HEPHL1: variants seen among roughly 807,000 people sequenced by gnomAD.
The protein encoded by HEPHL1 is hephaestin like 1.
HEPHL1 carries 123 observed loss-of-function variants against 122.0 expected under a neutral mutation model. The ratio of observed to expected loss-of-function variants is 1.01; its 90% CI spans 0.87 to 1.17. The LOEUF is 1.17. Among genes scored for constraint, HEPHL1 ranks in the 50% most tolerant of loss-of-function variants. The probability of loss-of-function intolerance (pLI) is 0.00; values close to 1 mark genes in which losing one functional copy is unlikely to be tolerated. For missense variants in HEPHL1, 1,452 were observed against 1,430.5 expected, an observed-to-expected ratio of 1.01 and a Z score of -0.24; for synonymous variants, 527 against 508.9, an observed-to-expected ratio of 1.04 and a Z score of -0.48.
chr11:94,057,276 T>C (rs997074036), intron 2 of HEPHL1, among the ~76,000 whole-genome samples: 2 of 152,188 alleles, frequency 1.3e-5, no homozygotes, highest in African/African-American at 4.8e-5. Context: ...ATTAGGCTTC[T>C]TTGATGTGTA....
intron 17 of HEPHL1, 138 bp downstream of exon 17, chr11:94,106,268 C>T (rs1946407738): frequency 3.5e-6 from 2 of 565,906 alleles, no homozygotes; most frequent in East Asian, 3.1e-5. Flanking sequence ...GTGATTGTAC[C>T]GTTTCCCTGG....
At chr11:94,093,294 G>C (rs1436228471) in intron 12 of HEPHL1, among the ~76,000 whole-genome samples, 1 of 152,056 alleles carries the variant, frequency 6.6e-6, no homozygotes, top group Middle Eastern at 3.2e-3. Flanking sequence ...GTGCTGGGCT[G>C]CCCATATCAG....
At chr11:94,084,549 C>T (rs2134440833) in intron 10 of HEPHL1, among the ~76,000 whole-genome samples, 1 of 152,032 alleles carries the variant, frequency 6.6e-6, no homozygotes, top group East Asian at 1.9e-4. Context: ...GTGCACAATG[C>T]TTTGTGTTGT....
At chr11:94,089,833 G>T (rs1946251052) in intron 12 of HEPHL1, among the ~76,000 whole-genome samples, 1 of 152,064 alleles carries the variant, frequency 6.6e-6, no homozygotes, top group African/African-American at 2.4e-5. Context: ...ACTGAACATA[G>T]ATCTTTTGAA....
At chr11:94,075,521 T>C in intron 9 of HEPHL1, 136 bp downstream of exon 9, 2 of 640,768 alleles carry the variant, frequency 3.1e-6, no homozygotes, top group Non-Finnish European at 5.4e-6. Context: ...TTCTACATAA[T>C]GGAGATTTTA....
Position 94,112,267 on chromosome 11 carries a change from A to C in HEPHL1, c.*373A>C, listed in dbSNP as rs1946456605. The C allele has an allele frequency of 6.3e-6, 1 of 159,722 alleles. No individual in the cohort carries two copies. Among genetic ancestry groups the C allele is most frequent in the Non-Finnish European group, 1.4e-5 (1 of 73,322 alleles). 9.9% of individuals were successfully genotyped at this position (159,722 alleles called of 1,614,324 possible). ...TAACCACCAAAGTTTCTAGGTGAACAGCTTCTAGAAAAAGTTAGAGTGCCT... is the reference window on the plus strand; with the variant it reads ...TAACCACCAAAGTTTCTAGGTGAACCGCTTCTAGAAAAAGTTAGAGTGCCT... On this transcript the variant is annotated 3_prime_UTR_variant, in exon 20 of 20. Transcript: ENST00000315765.
At chr11:94,054,949 A>G (rs1436539277) in intron 2 of HEPHL1, 1 of 152,432 alleles carries the variant, frequency 6.6e-6, no homozygotes, top group Non-Finnish European at 1.5e-5. Context: ...CTCAGGTAGG[A>G]GCAGAAGGAA....
At chr11:94,089,637 C>T (rs1220695989) in intron 12 of HEPHL1, among the ~76,000 whole-genome samples, 1 of 152,140 alleles carries the variant, frequency 6.6e-6, no homozygotes, top group Non-Finnish European at 1.5e-5. Flanking sequence ...GAACCAAGAT[C>T]CCTAGGGTGC....
intron 1 of HEPHL1, among the ~76,000 whole-genome samples, chr11:94,024,523 G>A (rs1057502036): frequency 5.3e-5 from 8 of 152,176 alleles, no homozygotes; most frequent in Non-Finnish European, 1.2e-4. Context: ...GAAGACCTGG[G>A]ACTGATCGTG....
chr11:94,021,537 A>C lies in HEPHL1; in HGVS notation c.169A>C (p.Lys57Gln). ...VITGKSFTED[K>Q]LATLFLERGP... is the part of the protein sequence containing the mutation. ...TACTGGGAAAAGTTTCACAGAAGACAAGTGAGTGAACTTAGGGTCCTCATT... is the reference window on the plus strand; with the variant it reads ...TACTGGGAAAAGTTTCACAGAAGACCAGTGAGTGAACTTAGGGTCCTCATT... The change falls in exon 1 of 20, where the codon AAA (lysine) becomes CAA (glutamine). Residue 57 changes from lysine to glutamine, a missense_variant and splice_region_variant. Physicochemically the swap from Lys to Gln is moderately conservative, Grantham distance 53 (BLOSUM62 1). Coordinates refer to ENST00000315765, the MANE Select transcript of HEPHL1 (RefSeq NM_001098672.2). The C allele has an allele frequency of 6.2e-7, 1 of 1,603,108 alleles. No individual in the cohort carries two copies. Among genetic ancestry groups the C allele is most frequent in the Admixed American group, 1.7e-5 (1 of 59,136 alleles).
intron 9 of HEPHL1, among the ~76,000 whole-genome samples, 177 bp downstream of exon 9, chr11:94,075,562 A>C (rs533101084): frequency 8.5e-5 from 13 of 152,298 alleles, no homozygotes; most frequent in Middle Eastern, 3.4e-3. Context: ...GTAAGATCTA[A>C]ATTTATAGTT....
At position 94,113,676 on chromosome 11, in the gene HEPHL1, T is replaced by C. The variant is rs1003861393; in HGVS notation, c.*1782T>C. On this transcript the variant is annotated 3_prime_UTR_variant, in exon 20 of 20. Transcript: ENST00000315765. ...GTTGTTTTTTTTTCTTTTCAGTTTA[T>C]TTTTTTAATGAAAACAAAACCACAA... 2.6e-5 allele frequency: 4 copies of C among 152,150 alleles called. No homozygotes were observed. Among genetic ancestry groups the C allele is most frequent in the African/African-American group, 9.7e-5 (4 of 41,424 alleles). 9.4% of individuals were successfully genotyped at this position (152,150 alleles called of 1,614,324 possible).
At chr11:94,067,880 A>C in intron 5 of HEPHL1, 130 bp downstream of exon 5, 1 of 718,410 alleles carries the variant, frequency 1.4e-6, no homozygotes, top group South Asian at 2.0e-5. Context: ...GGTAATAAAT[A>C]TACAGGAAAA....
chr11:94,070,348 G>A (rs1946063706), intron 5 of HEPHL1, 26 bp from the exon 6 acceptor site: 1 of 1,562,942 alleles, frequency 6.4e-7, no homozygotes, highest in Non-Finnish European at 8.7e-7. Context: ...TTATGCCTCA[G>A]CTCGTGGTTT....
chr11:94,073,299 T>G lies in HEPHL1; in HGVS notation c.1373-9T>G, dbSNP rs778701610. The stretch of plus-strand genomic sequence containing the variant: ...TCTCTTCTCTCTCTTCTTCTGGATA[T>G]TTTTTCAGGCCCAGTCATCAAGGCA... On this transcript the variant is annotated splice_polypyrimidine_tract_variant and intron_variant, in intron 7 of 19. Coordinates refer to ENST00000315765, the MANE Select transcript of HEPHL1 (RefSeq NM_001098672.2). 5 of 1,609,768 alleles carry G rather than the reference T, an allele frequency of 3.1e-6. No individual in the cohort carries two copies.
chr11:94,025,788 A>G, intron 1 of HEPHL1, among the ~76,000 whole-genome samples: 1 of 152,228 alleles, frequency 6.6e-6, no homozygotes, highest in East Asian at 1.9e-4. Context: ...GAGCTTTGAA[A>G]TAAAGAAAAG....
chr11:94,079,852 G>A (rs1430394987), intron 9 of HEPHL1, among the ~76,000 whole-genome samples: 1 of 152,138 alleles, frequency 6.6e-6, no homozygotes, highest in East Asian at 1.9e-4. Context: ...GCAGGATGAA[G>A]GTGGCTTGGG....
At chr11:94,108,526 TG>T (rs1180689307) in intron 17 of HEPHL1, among the ~76,000 whole-genome samples, 1 of 152,074 alleles carries the variant, frequency 6.6e-6, no homozygotes, top group Non-Finnish European at 1.5e-5. Context: ...CTTTTAGAAG[TG>T]GTATAGTTTT....
chr11:94,023,929 T>C (rs1165761283), intron 1 of HEPHL1, among the ~76,000 whole-genome samples: 1 of 152,128 alleles, frequency 6.6e-6, no homozygotes, highest in Non-Finnish European at 1.5e-5. Flanking sequence ...GTGGCTGACA[T>C]TGCTTGTGGA....
Sources: allele counts gnomAD v4.1 joint callset (sites outside exome capture counted in the v4.1 genomes callset), GRCh38; gene constraint gnomAD v4.1.1; transcripts MANE v1.5; gene names NCBI Gene and HGNC (gene_info 2026-07-23, HGNC 2026-07-21).